The following TTYH3 variants were observed in gnomAD, a reference collection of about 807,000 sequenced individuals.
The protein encoded by TTYH3 is tweety family member 3, also known as protein tweety homolog 3.
TTYH3 carries 23 observed loss-of-function variants against 68.2 expected under a neutral mutation model. The ratio of observed to expected loss-of-function variants is 0.34; its 90% CI spans 0.24 to 0.48. The LOEUF (loss-of-function observed/expected upper bound fraction) is 0.48. TTYH3 is among the 20% of genes least tolerant of loss of function. The pLI, the probability that TTYH3 is intolerant of heterozygous loss-of-function variation, is 0.99. For synonymous variants in TTYH3, 360 were observed against 332.8 expected, an observed-to-expected ratio of 1.08 and a Z score of -0.89; for missense variants, 768 against 727.7, an observed-to-expected ratio of 1.06 and a Z score of -0.64.
At chr7:2,660,164 G>A (rs1393154785) in intron 13 of TTYH3, 2 of 1,178,274 alleles carry the variant, frequency 1.7e-6, no homozygotes, top group Non-Finnish European at 2.2e-6. Flanking sequence ...GCTCCTGTTG[G>A]CAGGGCCAGC....
intron 1 of TTYH3, among the ~76,000 whole-genome samples, chr7:2,634,496 C>G (rs1457848721): frequency 1.4e-5 from 2 of 146,516 alleles, no homozygotes; most frequent in Non-Finnish European, 3.0e-5. Context: ...TTAGCTGTCT[C>G]TGTGCTGCCC....
rs1049590094 is a variant in TTYH3, at chr7:2,648,225, G to A, written c.722+171G>A. The stretch of plus-strand genomic sequence containing the variant: ...GCTCTGAGATGCCCCTTCTGTGCCT[G>A]TGGCCTGTGCCCCTGTGGCCAGCAT... On this transcript the variant is annotated intron_variant, in intron 5 of 13. Transcript: ENST00000258796. The A allele has an allele frequency of 1.9e-4, 120 of 628,486 alleles. 1 individual carries two copies. In the African/African-American group the frequency reaches 1.9e-3, roughly 10 times the overall value. 38.9% of individuals were successfully genotyped at this position (628,486 alleles called of 1,614,324 possible). A position where few individuals can be genotyped will look rare whatever the true frequency, so the allele number is the denominator to read the frequency against.
intron 9 of TTYH3, among the ~76,000 whole-genome samples, chr7:2,655,834 C>T (rs1435382207): frequency 2.0e-5 from 3 of 152,172 alleles, no homozygotes; most frequent in African/African-American, 2.4e-5. Flanking sequence ...CACGTAGTGG[C>T]GACCACACTG....
chr7:2,654,422 G>GTA (rs34909345), intron 9 of TTYH3, among the ~76,000 whole-genome samples: 3,005 of 151,512 alleles, frequency 0.02, 107 homozygotes, highest in African/African-American at 0.064. Flanking sequence ...GTATGTATGT[G>GTA]TATATATATA....
In TTYH3 at chr7:2,663,289, T is replaced by G. The variant is rs1786539761; in HGVS notation, c.*1550T>G. The G allele has an allele frequency of 1.3e-5, 2 of 152,744 alleles. No individual in the cohort carries two copies. The highest frequency in any genetic ancestry group is 2.4e-5 in the African/African-American group (1 of 41,464). 9.5% of individuals were successfully genotyped at this position (152,744 alleles called of 1,614,324 possible). Reference sequence around the variant, plus strand: ...CCAGCAGTTTACAGACGCATGGCTCTTCCTCCCAGAGCAGCCGGCAGCTAC... The same window carrying G: ...CCAGCAGTTTACAGACGCATGGCTCGTCCTCCCAGAGCAGCCGGCAGCTAC... On this transcript the variant is annotated 3_prime_UTR_variant, in exon 14 of 14. Coordinates refer to ENST00000258796, the MANE Select transcript of TTYH3 (RefSeq NM_025250.3).
chr7:2,650,636 G>A (rs1786148995), intron 7 of TTYH3, among the ~76,000 whole-genome samples: 1 of 152,084 alleles, frequency 6.6e-6, no homozygotes, highest in Admixed American at 6.6e-5. Context: ...CCCGAGGCAG[G>A]AGGCAGACCC....
chr7:2,653,743 A>G (rs1303270811), intron 9 of TTYH3, among the ~76,000 whole-genome samples: 1 of 152,232 alleles, frequency 6.6e-6, no homozygotes, highest in East Asian at 1.9e-4. Flanking sequence ...CACGCCTGTA[A>G]TCCCAGCTAC....
chr7:2,660,666 T>A, intron 13 of TTYH3: 1 of 641,910 alleles, frequency 1.6e-6, no homozygotes, highest in Non-Finnish European at 1.9e-6. Flanking sequence ...CCCCACAGGC[T>A]GCTCGAAACC....
At chr7:2,660,644 C>A in intron 13 of TTYH3, 4 of 823,888 alleles carry the variant, frequency 4.9e-6, no homozygotes, top group South Asian at 5.5e-5. Context: ...CCCCCCACCC[C>A]CTCCGTGGCG....
At chr7:2,639,746 G>T (rs1286801946) in intron 1 of TTYH3, among the ~76,000 whole-genome samples, 2 of 152,218 alleles carry the variant, frequency 1.3e-5, no homozygotes, top group African/African-American at 4.8e-5. Context: ...CCTCTGGTGG[G>T]GTTCTGGCCC....
intron 1 of TTYH3, among the ~76,000 whole-genome samples, chr7:2,643,182 T>C (rs1469649872): frequency 6.7e-6 from 1 of 149,246 alleles, no homozygotes; most frequent in Non-Finnish European, 1.5e-5. Flanking sequence ...AGTGAAACCC[T>C]GTCTCTATTA....
At chr7:2,649,736 G>A (rs1468173581) in intron 6 of TTYH3, 97 bp downstream of exon 6, 1 of 1,504,776 alleles carries the variant, frequency 6.6e-7, no homozygotes, top group Non-Finnish European at 9.0e-7. Flanking sequence ...CATCTTCCCG[G>A]GCACTGGGTC....
intron 1 of TTYH3, among the ~76,000 whole-genome samples, chr7:2,640,799 C>T (rs980392683): frequency 6.6e-6 from 1 of 151,530 alleles, no homozygotes; most frequent in Non-Finnish European, 1.5e-5. Context: ...CCCCGTGGGC[C>T]GTCCTAAGGC....
At chr7:2,641,977 C>A (rs1488344904) in intron 1 of TTYH3, among the ~76,000 whole-genome samples, 3 of 152,264 alleles carry the variant, frequency 2.0e-5, no homozygotes, top group African/African-American at 7.2e-5. Flanking sequence ...GGCGCCATCT[C>A]CTTCCTCAGT....
At chr7:2,654,644 G>A (rs964735482) in intron 9 of TTYH3, among the ~76,000 whole-genome samples, 1 of 152,156 alleles carries the variant, frequency 6.6e-6, no homozygotes, top group African/African-American at 2.4e-5. Flanking sequence ...CGCAGCAAAC[G>A]TTTATCATCT....
At chr7:2,637,928 C>T (rs572563878) in intron 1 of TTYH3, among the ~76,000 whole-genome samples, 3 of 152,316 alleles carry the variant, frequency 2.0e-5, no homozygotes, top group South Asian at 2.1e-4. Flanking sequence ...GGGAGGAAGC[C>T]GGGCCACCCA....
At chr7:2,648,971 G>GTA (rs1271996324) in intron 5 of TTYH3, among the ~76,000 whole-genome samples, 39,675 of 141,170 alleles carry the variant, frequency 0.28, 12,174 homozygotes, top group East Asian at 0.36. Context: ...CCGCAGTGGG[G>GTA]TGTGGGGCCT....
chr7:2,661,078 G>C (rs113083052), intron 13 of TTYH3, among the ~76,000 whole-genome samples: 2 of 106 alleles, frequency 0.019, no homozygotes, highest in South Asian at 0.25. Flanking sequence ...CCCACGGGAG[G>C]GGGGGCTGCA....
At chr7:2,649,730 T>A (rs1454597588) in intron 6 of TTYH3, 91 bp downstream of exon 6, 4 of 1,512,026 alleles carry the variant, frequency 2.6e-6, no homozygotes, top group East Asian at 4.7e-5. Flanking sequence ...CCCTCCCATC[T>A]TCCCGGGCAC....
Sources: allele counts gnomAD v4.1 joint callset (sites outside exome capture counted in the v4.1 genomes callset), GRCh38; gene constraint gnomAD v4.1.1; transcripts MANE v1.5; gene names NCBI Gene and HGNC (gene_info 2026-07-23, HGNC 2026-07-21).